The following CLMP variants were observed in gnomAD, a reference collection of about 807,000 sequenced individuals.
CLMP encodes CXADR-like membrane protein.
In CLMP, 27 loss-of-function variants were observed where a neutral mutation model predicts 45.2. That is an observed-to-expected ratio of 0.60 (90% CI 0.44 to 0.82). CLMP has a LOEUF of 0.82. Ranked by LOEUF, CLMP falls within the 40% of genes least tolerant of loss-of-function variation. The pLI, the probability that CLMP is intolerant of heterozygous loss-of-function variation, is 0.00. For missense variants in CLMP, 403 were observed against 448.4 expected, an observed-to-expected ratio of 0.90 and a Z score of 0.91; for synonymous variants, 167 against 171.4, an observed-to-expected ratio of 0.97 and a Z score of 0.20.
At chr11:123,118,929 TTTTCTTTC>T (rs1314714578) in intron 1 of CLMP, among the ~76,000 whole-genome samples, 3,228 of 98,374 alleles carry the variant, frequency 0.033, 143 homozygotes, top group Non-Finnish European at 0.04. Flanking sequence ...TTTTCTTTTC[TTTTCTTTC>T]TTTCTTTCTT....
chr11:123,088,809 A>G (rs1865894487), intron 2 of CLMP, among the ~76,000 whole-genome samples: 1 of 152,024 alleles, frequency 6.6e-6, no homozygotes, highest in Non-Finnish European at 1.5e-5. Context: ...TTTTTAGTAG[A>G]GACGGGGTTT....
rs1423934042 is a variant in CLMP at position 123,194,953 on chromosome 11, A to AG, written c.-14_-13insC. On this transcript the variant is annotated 5_prime_UTR_variant, in exon 1 of 7. Coordinates refer to ENST00000448775, the MANE Select transcript of CLMP (RefSeq NM_024769.5). ...GGAGGAGGGACATCCCGATCCCCGG[A>AG]CGCGGGCGCTTCCCCGCTCAGCTGC... 3.1e-6 allele frequency: 5 copies of AG among 1,611,736 alleles called. No individual in the cohort carries two copies. The highest frequency in any genetic ancestry group is 4.2e-6 in the Non-Finnish European group (5 of 1,179,002).
chr11:123,107,996 T>C (rs555275094), intron 1 of CLMP, among the ~76,000 whole-genome samples: 2 of 151,268 alleles, frequency 1.3e-5, no homozygotes, highest in East Asian at 3.9e-4. Flanking sequence ...CTGCAGTGAG[T>C]AAGGATGGAG....
intron 1 of CLMP, among the ~76,000 whole-genome samples, chr11:123,123,643 C>T (rs1860850313): frequency 6.6e-6 from 1 of 152,106 alleles, no homozygotes. Context: ...ACCATTAGTT[C>T]CTGTGTCAAT....
chr11:123,085,685 C>G (rs1420505465), intron 2 of CLMP, among the ~76,000 whole-genome samples: 2 of 150,308 alleles, frequency 1.3e-5, no homozygotes, highest in African/African-American at 4.9e-5. Flanking sequence ...ACAGAACTCA[C>G]AGTTACCCCT....
At chr11:123,111,034 CCTGT>C (rs1451822743) in intron 1 of CLMP, among the ~76,000 whole-genome samples, 1 of 151,798 alleles carries the variant, frequency 6.6e-6, no homozygotes, top group African/African-American at 2.4e-5. Flanking sequence ...TATTCAAGGC[CCTGT>C]CTTAGTTGAA....
intron 1 of CLMP, among the ~76,000 whole-genome samples, chr11:123,175,539 AC>A (rs1193337769): frequency 2.0e-5 from 3 of 152,078 alleles, no homozygotes; most frequent in Non-Finnish European, 4.4e-5. Context: ...TCACTATATC[AC>A]CCAGGCTGAC....
At chr11:123,141,547 A>G (rs78864852) in intron 1 of CLMP, among the ~76,000 whole-genome samples, 11,209 of 151,956 alleles carry the variant, frequency 0.074, 669 homozygotes, top group East Asian at 0.23. Flanking sequence ...TTGTGCTGTG[A>G]CAGTCAAAAA....
intron 2 of CLMP, among the ~76,000 whole-genome samples, chr11:123,091,131 G>A (rs1241632463): frequency 6.6e-6 from 1 of 151,874 alleles, no homozygotes; most frequent in African/African-American, 2.4e-5. Context: ...TTGAGACAGA[G>A]TTTCATTCTG....
At chr11:123,098,517 T>C (rs1866016569) in intron 1 of CLMP, among the ~76,000 whole-genome samples, 2 of 151,674 alleles carry the variant, frequency 1.3e-5, no homozygotes. Context: ...CATGAGCCAC[T>C]GTGCCCGGCC....
chr11:123,168,465 T>G (rs1250596511), intron 1 of CLMP, among the ~76,000 whole-genome samples: 2 of 152,116 alleles, frequency 1.3e-5, no homozygotes, highest in African/African-American at 4.8e-5. Context: ...GTTGGGCAAG[T>G]TAGTTGGGAA....
intron 1 of CLMP, among the ~76,000 whole-genome samples, chr11:123,108,150 T>A (rs574343409): frequency 6.6e-6 from 1 of 152,198 alleles, no homozygotes; most frequent in South Asian, 2.1e-4. Flanking sequence ...ACTAGTGAAG[T>A]TCCTCTGCCA....
At chr11:123,101,742 G>A (rs1051640751) in intron 1 of CLMP, among the ~76,000 whole-genome samples, 27 of 152,310 alleles carry the variant, frequency 1.8e-4, no homozygotes, top group Admixed American at 1.4e-3. Context: ...AGACATTTAG[G>A]TTACAGTTTA....
intron 1 of CLMP, among the ~76,000 whole-genome samples, chr11:123,102,367 G>A (rs189618489): frequency 6.4e-5 from 9 of 139,770 alleles, no homozygotes; most frequent in Admixed American, 1.6e-4. Flanking sequence ...TGCAACCTCC[G>A]ACTCCCCGGT....
rs139465809 is a variant in CLMP, at chr11:123,141,584, C to T, written c.29-43632G>A. ...GTTTTCAGATATTGCCAAATGTTTC[C>T]TGGGAAACAAAATTGCCGTCACCTG... On this transcript the variant is annotated intron_variant, in intron 1 of 6. Coordinates refer to ENST00000448775, the MANE Select transcript of CLMP (RefSeq NM_024769.5). Among the ~76,000 whole-genome samples the T allele has an allele frequency of 5.3e-5, 8 of 152,176 alleles. No individual in the cohort carries two copies. In the East Asian group the frequency reaches 1.5e-3, roughly 29 times the overall value.
At chr11:123,144,108 C>A (rs1356202198) in intron 1 of CLMP, among the ~76,000 whole-genome samples, 1 of 152,198 alleles carries the variant, frequency 6.6e-6, no homozygotes, top group African/African-American at 2.4e-5. Context: ...GCCACTGCAC[C>A]TGACAGCCTT....
At chr11:123,142,265 CGTAA>C (rs1861171672) in intron 1 of CLMP, among the ~76,000 whole-genome samples, 1 of 152,110 alleles carries the variant, frequency 6.6e-6, no homozygotes, top group African/African-American at 2.4e-5. Context: ...GCATTACAGG[CGTAA>C]GTCACTGCGC....
At chr11:123,094,347 A>T (rs532245662) in intron 2 of CLMP, among the ~76,000 whole-genome samples, 40 of 151,708 alleles carry the variant, frequency 2.6e-4, no homozygotes, top group Admixed American at 1.4e-3. Context: ...GCTCAAGTGG[A>T]CCTCCTGCCT....
At chr11:123,188,840 G>C (rs973814961) in intron 1 of CLMP, 4 of 152,208 alleles carry the variant, frequency 2.6e-5, no homozygotes, top group African/African-American at 9.7e-5. Flanking sequence ...ACCAGAACTT[G>C]AAGGGGAGGA....
Sources: allele counts gnomAD v4.1 joint callset (sites outside exome capture counted in the v4.1 genomes callset), GRCh38; gene constraint gnomAD v4.1.1; transcripts MANE v1.5; gene names NCBI Gene and HGNC (gene_info 2026-07-23, HGNC 2026-07-21).